Variants in NXPE2 observed in about 807,000 individuals in gnomAD.
The protein encoded by NXPE2 is NXPE family member 2.
In NXPE2, 34 loss-of-function variants were observed where a neutral mutation model predicts 34.4. That is an observed-to-expected ratio of 0.99 (90% CI 0.75 to 1.31). The LOEUF (loss-of-function observed/expected upper bound fraction) is 1.31. NXPE2 is among the 40% of genes most tolerant of loss of function. NXPE2 has a pLI of 0.00. For missense variants in NXPE2, 649 were observed against 672.5 expected (o/e 0.97, Z 0.39); for synonymous variants, 235 against 231.3 (o/e 1.02, Z -0.15).
chr11:114,800,430 T>C, the NXPE2 span, among the ~76,000 whole-genome samples: 1 of 152,246 alleles, frequency 6.6e-6, no homozygotes, highest in Non-Finnish European at 1.5e-5. Context: ...ACTCTTGACA[T>C]TCTTTGATTA....
chr11:114,758,171 C>T, the NXPE2 span, among the ~76,000 whole-genome samples: 2 of 152,166 alleles, frequency 1.3e-5, no homozygotes, highest in Non-Finnish European at 2.9e-5. Flanking sequence ...ACTTCTTCTC[C>T]GTCCACTAAC....
At chr11:114,701,940 G>T (rs1458955019) in intron 3 of NXPE2, among the ~76,000 whole-genome samples, 2 of 152,142 alleles carry the variant, frequency 1.3e-5, no homozygotes, top group East Asian at 3.9e-4. Context: ...GCTGATTTTT[G>T]TAGATGTGGT....
chr11:114,698,418 A>T lies in NXPE2; in HGVS notation c.506A>T (p.Asp169Val). The change falls in exon 3 of 6, where the codon GAC becomes GTC. Residue 169 changes from aspartate to valine, a missense_variant. Physicochemically the swap from Asp to Val is radical, Grantham distance 152. Coordinates refer to ENST00000389586, the MANE Select transcript of NXPE2 (RefSeq NM_182495.6). ...GCAGGTGCTTCAGGAAAGGTGACTG[A>T]CTTCAACAACGGCACCTACCTGGTC... ...LMAGASGKVTDFNNGTYLVSF... is the reference protein window; with the variant it reads ...LMAGASGKVTVFNNGTYLVSF... 1 of 1,613,946 alleles carries T rather than the reference A, an allele frequency of 6.2e-7. No homozygotes were observed. Among genetic ancestry groups the T allele is most frequent in the East Asian group, 2.2e-5 (1 of 44,868 alleles).
chr11:114,565,084 A>G, the NXPE2 span, among the ~76,000 whole-genome samples: 7 of 152,236 alleles, frequency 4.6e-5, no homozygotes, highest in African/African-American at 1.7e-4. Context: ...AGCGAATAAC[A>G]GATGTCAGGA....
the NXPE2 span, among the ~76,000 whole-genome samples, chr11:114,642,031 T>C: frequency 6.6e-6 from 1 of 152,092 alleles, no homozygotes; most frequent in Non-Finnish European, 1.5e-5. Context: ...AATTATTCTC[T>C]GCATAGTTAT....
chr11:114,704,971 A>G (rs1278396934), intron 4 of NXPE2, among the ~76,000 whole-genome samples: 1 of 152,190 alleles, frequency 6.6e-6, no homozygotes, highest in Admixed American at 6.5e-5. Flanking sequence ...TAATTTTTGG[A>G]GCCACTTACA....
At chr11:114,659,428 T>C in the NXPE2 span, among the ~76,000 whole-genome samples, 1 of 62,404 alleles carries the variant, frequency 1.6e-5, no homozygotes, top group Non-Finnish European at 5.2e-5. Context: ...AATTATTCTG[T>C]TAAACAAAAA....
the NXPE2 span, among the ~76,000 whole-genome samples, chr11:114,465,829 A>G: frequency 9.2e-5 from 14 of 152,270 alleles, no homozygotes; most frequent in East Asian, 1.5e-3. Context: ...AAAAGTTTCA[A>G]TGTGATAATG....
the NXPE2 span, among the ~76,000 whole-genome samples, chr11:114,757,657 G>A: frequency 6.6e-6 from 1 of 152,164 alleles, no homozygotes; most frequent in Non-Finnish European, 1.5e-5. Context: ...GAAACCAAAG[G>A]AGAAATATGC....
chr11:114,683,757 T>C (rs1489006183), intron 2 of NXPE2, among the ~76,000 whole-genome samples: 3 of 152,158 alleles, frequency 2.0e-5, no homozygotes, highest in African/African-American at 7.2e-5. Context: ...AGATACTTAA[T>C]AAATAACTGG....
the NXPE2 span, among the ~76,000 whole-genome samples, chr11:114,743,284 G>A: frequency 4.0e-5 from 6 of 151,236 alleles, no homozygotes; most frequent in African/African-American, 1.2e-4. Flanking sequence ...CCAAGGCCTA[G>A]ATTCAGCTTT....
chr11:114,807,079 T>G, the NXPE2 span, among the ~76,000 whole-genome samples: 1 of 151,592 alleles, frequency 6.6e-6, no homozygotes, highest in East Asian at 1.9e-4. Flanking sequence ...GAATTTCATA[T>G]CCAACCAAAC....
At chr11:114,481,070 GA>G in the NXPE2 span, among the ~76,000 whole-genome samples, 3 of 152,150 alleles carry the variant, frequency 2.0e-5, no homozygotes, top group Non-Finnish European at 4.4e-5. Context: ...AAAGGAGGCA[GA>G]ACCCTTGTGC....
the NXPE2 span, among the ~76,000 whole-genome samples, chr11:114,725,974 A>ATATATATATATATATATATATATATAT: frequency 4.3e-4 from 14 of 32,814 alleles, 1 homozygote; most frequent in Admixed American, 1.0e-3. Flanking sequence ...TAATAAAAAA[A>ATATATATATATATATATATATATATAT]AAATATATAT....
chr11:114,684,038 AG>A (rs1290075909), intron 2 of NXPE2, among the ~76,000 whole-genome samples: 1 of 152,198 alleles, frequency 6.6e-6, no homozygotes, highest in Non-Finnish European at 1.5e-5. Context: ...AGATGGGTTT[AG>A]GTATGAATAG....
the NXPE2 span, among the ~76,000 whole-genome samples, chr11:114,807,710 C>G: frequency 6.6e-6 from 1 of 151,702 alleles, no homozygotes; most frequent in African/African-American, 2.4e-5. Context: ...TAGTGACCTA[C>G]AAAGAGACTT....
chr11:114,577,028 CAT>C, the NXPE2 span, among the ~76,000 whole-genome samples: 710 of 94,876 alleles, frequency 7.5e-3, 9 homozygotes, highest in African/African-American at 0.011. Context: ...TATATATATA[CAT>C]ATATATATAT....
chr11:114,638,878 G>A, the NXPE2 span, among the ~76,000 whole-genome samples: 20 of 151,582 alleles, frequency 1.3e-4, no homozygotes, highest in South Asian at 2.5e-3. Context: ...GCCCCTACTG[G>A]GGGGTGCCTC....
the NXPE2 span, among the ~76,000 whole-genome samples, chr11:114,759,090 A>ACG: frequency 1.3e-5 from 2 of 151,666 alleles, no homozygotes; most frequent in African/African-American, 2.4e-5. Context: ...ATGCGTACAC[A>ACG]TGCGCACACA....
Sources: gnomAD v4.1 joint callset for allele counts (sites outside exome capture counted in the v4.1 genomes callset) on GRCh38, gnomAD v4.1.1 for gene constraint, MANE v1.5 for transcripts, NCBI Gene and HGNC (gene_info 2026-07-23, HGNC 2026-07-21) for gene names.